Variants in DPY19L2 observed in about 807,000 individuals in gnomAD.
The protein encoded by DPY19L2 is probable C-mannosyltransferase DPY19L2.
DPY19L2 carries 34 observed loss-of-function variants against 97.9 expected under a neutral mutation model. The ratio of observed to expected loss-of-function variants is 0.35; its 90% confidence interval spans 0.26 to 0.46. The LOEUF is 0.46. DPY19L2 is among the 20% of genes least tolerant of loss of function. DPY19L2 has a pLI of 1.00. For synonymous variants in DPY19L2, 230 were observed against 307.9 expected, an observed-to-expected ratio of 0.75 and a Z score of 2.65; for missense variants, 623 against 911.4, an observed-to-expected ratio of 0.68 and a Z score of 4.07.
intron 19 of DPY19L2, among the ~76,000 whole-genome samples, chr12:63,572,857 A>G (rs988070969): frequency 2.0e-5 from 3 of 152,152 alleles, no homozygotes; most frequent in African/African-American, 7.2e-5. Context: ...AGAGTCTGCA[A>G]TAGCTTCAGC....
At chr12:63,601,193 T>C (rs1885133877) in intron 12 of DPY19L2, among the ~76,000 whole-genome samples, 1 of 152,200 alleles carries the variant, frequency 6.6e-6, no homozygotes, top group Non-Finnish European at 1.5e-5. Flanking sequence ...ATCCATTTTT[T>C]AAAACACTAC....
chr12:63,640,951 G>A (rs555041084), intron 6 of DPY19L2, among the ~76,000 whole-genome samples: 23 of 152,208 alleles, frequency 1.5e-4, no homozygotes, highest in African/African-American at 5.5e-4. Context: ...GGAGTGCAGT[G>A]GCGCAATGTC....
chr12:63,592,447 A>G (rs1883272792), intron 16 of DPY19L2, among the ~76,000 whole-genome samples: 1 of 148,984 alleles, frequency 6.7e-6, no homozygotes, highest in Non-Finnish European at 1.5e-5. Flanking sequence ...AGAGATATAG[A>G]TCAATGGAAC....
At chr12:63,636,519 A>T (rs577628205) in intron 6 of DPY19L2, among the ~76,000 whole-genome samples, 2 of 152,292 alleles carry the variant, frequency 1.3e-5, no homozygotes, top group South Asian at 2.1e-4. Flanking sequence ...ATTGTGCTGT[A>T]TTCGGGAAAC....
intron 18 of DPY19L2, among the ~76,000 whole-genome samples, chr12:63,581,736 G>C (rs993785226): frequency 2.0e-5 from 3 of 150,924 alleles, no homozygotes; most frequent in Non-Finnish European, 4.4e-5. Context: ...GCCCACCTCG[G>C]CCTTCCAAAG....
At chr12:63,644,009 T>A (rs1030668798) in intron 6 of DPY19L2, among the ~76,000 whole-genome samples, 4 of 152,182 alleles carry the variant, frequency 2.6e-5, no homozygotes, top group Non-Finnish European at 4.4e-5. Flanking sequence ...CAGATGTAAG[T>A]GCCTGCCACA....
At position 63,615,137 on chromosome 12, in the gene DPY19L2, T is replaced by C. The variant is rs528375239; in HGVS notation, c.1218+2167A>G. 2.5e-3 allele frequency among the ~76,000 whole-genome samples: 376 copies of C among 152,276 alleles called. 2 individuals are homozygous for C. Among genetic ancestry groups the C allele is most frequent in the Non-Finnish European group, 4.1e-3 (278 of 68,014 alleles). The stretch of plus-strand genomic sequence containing the variant: ...GAATGAGTAAAGATGTTAATTTCAA[T>C]TAACTTGAAATACATAAAAAATGTT... On this transcript the variant is annotated intron_variant, in intron 11 of 21. Coordinates refer to ENST00000324472, the MANE Select transcript of DPY19L2 (RefSeq NM_173812.5).
chr12:63,595,557 C>G (rs1884068033), intron 15 of DPY19L2, among the ~76,000 whole-genome samples: 1 of 152,174 alleles, frequency 6.6e-6, no homozygotes, highest in Non-Finnish European at 1.5e-5. Flanking sequence ...TTGAAAGATA[C>G]TAACATTGTT....
At chr12:63,659,693 C>T (rs1412064551) in intron 4 of DPY19L2, among the ~76,000 whole-genome samples, 1 of 151,978 alleles carries the variant, frequency 6.6e-6, no homozygotes, top group Non-Finnish European at 1.5e-5. Flanking sequence ...AACGATTGTA[C>T]CGAGACAATT....
At chr12:63,651,892 C>T (rs4124773) in intron 4 of DPY19L2, 190,689 of 374,490 alleles carry the variant, frequency 0.51, 49,421 homozygotes, top group East Asian at 0.7. Flanking sequence ...CTAGCTGCGG[C>T]TTGCCATGAC....
intron 12 of DPY19L2, among the ~76,000 whole-genome samples, chr12:63,604,357 C>G (rs1266457460): frequency 6.6e-6 from 1 of 152,184 alleles, no homozygotes; most frequent in African/African-American, 2.4e-5. Flanking sequence ...AGTATCTTCA[C>G]TCTGCAGGTA....
intron 3 of DPY19L2, 132 bp downstream of exon 3, chr12:63,663,626 T>C (rs1465036829): frequency 2.8e-6 from 2 of 720,980 alleles, no homozygotes; most frequent in Non-Finnish European, 4.5e-6. Flanking sequence ...ACTATTTAAA[T>C]AATAAACCTG....
chr12:63,589,949 C>T (rs1481148428), intron 16 of DPY19L2, among the ~76,000 whole-genome samples: 1 of 151,986 alleles, frequency 6.6e-6, no homozygotes, highest in East Asian at 1.9e-4. Flanking sequence ...GCCAACATGG[C>T]AAACCCTGTC....
At chr12:63,648,723 A>C (rs1893778812) in intron 4 of DPY19L2, among the ~76,000 whole-genome samples, 1 of 152,012 alleles carries the variant, frequency 6.6e-6, no homozygotes, top group Non-Finnish European at 1.5e-5. Flanking sequence ...TGCTTGAGTG[A>C]TACCAGAGGT....
chr12:63,641,806 G>A (rs1017456900), intron 6 of DPY19L2, among the ~76,000 whole-genome samples: 1 of 151,962 alleles, frequency 6.6e-6, no homozygotes, highest in African/African-American at 2.4e-5. Flanking sequence ...AGACTTTTTT[G>A]GGAATATATA....
chr12:63,648,431 C>T (rs1222903366), intron 4 of DPY19L2, among the ~76,000 whole-genome samples: 1 of 143,902 alleles, frequency 6.9e-6, no homozygotes, highest in Non-Finnish European at 1.5e-5. Flanking sequence ...CTTCCCTGGG[C>T]TTTTTTTTTT....
Position 63,644,471 on chromosome 12 carries a change from A to G in DPY19L2, c.735T>C (p.Tyr245=). ...CATTTAAAATAAAGATTACACCAACATAAAAGCAAGCAGGATCTCCCAATC... is the reference window on the plus strand; with the variant it reads ...CATTTAAAATAAAGATTACACCAACGTAAAAGCAAGCAGGATCTCCCAATC... The part of the protein sequence containing the change: ...CEGLGDPACF[Y]VGVIFILNGL... The change falls in exon 6 of 22, where the codon TAT becomes TAC. Residue 245 remains tyrosine, a synonymous_variant. Coordinates refer to ENST00000324472, the MANE Select transcript of DPY19L2 (RefSeq NM_173812.5). 1 of 1,611,446 alleles carries G rather than the reference A, an allele frequency of 6.2e-7. No individual in the cohort carries two copies. Among genetic ancestry groups the G allele is most frequent in the Admixed American group, 1.7e-5 (1 of 59,498 alleles).
At chr12:63,653,748 C>T (rs1894592344) in intron 4 of DPY19L2, among the ~76,000 whole-genome samples, 1 of 151,940 alleles carries the variant, frequency 6.6e-6, no homozygotes, top group Non-Finnish European at 1.5e-5. Context: ...TACTTTGATA[C>T]ACTTTTGAAG....
chr12:63,619,880 T>C, intron 9 of DPY19L2: 1 of 418,474 alleles, frequency 2.4e-6, no homozygotes, highest in Non-Finnish European at 4.7e-6. Flanking sequence ...TCATTAAAAA[T>C]CTATTCTACT....
Sources: gnomAD v4.1 joint callset for allele counts (sites outside exome capture counted in the v4.1 genomes callset) on GRCh38, gnomAD v4.1.1 for gene constraint, MANE v1.5 for transcripts, NCBI Gene and HGNC (gene_info 2026-07-23, HGNC 2026-07-21) for gene names.